The following MPPED1 variants were observed in gnomAD, a reference collection of about 807,000 sequenced individuals.
The protein encoded by MPPED1 is metallophosphoesterase domain containing 1.
MPPED1 carries 16 observed loss-of-function variants against 36.2 expected under a neutral mutation model. The observed-to-expected ratio is 0.44, with a 90% CI of 0.30 to 0.67. The LOEUF is 0.67. Ranked by LOEUF, MPPED1 falls within the 30% of genes least tolerant of loss-of-function variation. The pLI, the probability that MPPED1 is intolerant of heterozygous loss-of-function variation, is 0.10. For synonymous variants in MPPED1, 199 were observed against 191.3 expected, an observed-to-expected ratio of 1.04 and a Z score of -0.33; for missense variants, 307 against 453.4, an observed-to-expected ratio of 0.68 and a Z score of 2.93.
rs78039458 is a variant in MPPED1, at chr22:43,485,163, A to G, written c.632+10202A>G. 6.2e-3 allele frequency among the ~76,000 whole-genome samples: 942 copies of G among 152,196 alleles called. 14 individuals carry two copies. The highest frequency in any genetic ancestry group is 0.022 in the African/African-American group (895 of 41,528). On this transcript the variant is annotated intron_variant, in intron 4 of 6. Transcript: ENST00000443721. ...AGAAACATTCACATATGACATTCAC[A>G]TATACACACATAATTCACACGCACA...
At chr22:43,465,205 C>T (rs944538991) in intron 3 of MPPED1, among the ~76,000 whole-genome samples, 5 of 152,248 alleles carry the variant, frequency 3.3e-5, no homozygotes, top group Non-Finnish European at 7.3e-5. Context: ...CTCCCACAGC[C>T]TCGTGGGGCA....
At chr22:43,416,514 G>GT (rs1443333152) in intron 1 of MPPED1, 15 of 152,188 alleles carry the variant, frequency 9.9e-5, no homozygotes, top group African/African-American at 3.6e-4. Context: ...CCCTAGCCAT[G>GT]TATGTGCTAA....
intron 3 of MPPED1, among the ~76,000 whole-genome samples, chr22:43,461,159 T>TGAGATGGGAGGATCAC (rs1177495212): frequency 4.6e-5 from 7 of 151,576 alleles, no homozygotes; most frequent in Non-Finnish European, 8.8e-5. Context: ...AGGCCAGGAG[T>TGAGATGGGAGGATCAC]TTGAGACCAG....
At chr22:43,482,218 A>T (rs1428306224) in intron 4 of MPPED1, among the ~76,000 whole-genome samples, 1 of 152,242 alleles carries the variant, frequency 6.6e-6, no homozygotes, top group African/African-American at 2.4e-5. Context: ...TTGATTTAAA[A>T]AAAAGAGTGA....
chr22:43,412,045 C>T lies in MPPED1; in HGVS notation c.-192C>T, dbSNP rs1398573888. The T allele has an allele frequency of 2.0e-6, 2 of 979,016 alleles. No homozygotes were observed. The highest frequency in any genetic ancestry group is 2.4e-6 in the Non-Finnish European group (2 of 827,458). 60.6% of individuals were successfully genotyped at this position (979,016 alleles called of 1,614,324 possible). ...AGCCTCGGACGCGCGGCGAGGCGGCCGCCGCCGGAGGAGCCCCCGCCCCTG... is the reference window on the plus strand; with the variant it reads ...AGCCTCGGACGCGCGGCGAGGCGGCTGCCGCCGGAGGAGCCCCCGCCCCTG... On this transcript the variant is annotated 5_prime_UTR_variant, in exon 1 of 7. Transcript: ENST00000443721.
At chr22:43,493,779 A>G (rs958810796) in intron 4 of MPPED1, among the ~76,000 whole-genome samples, 1 of 152,122 alleles carries the variant, frequency 6.6e-6, no homozygotes, top group Non-Finnish European at 1.5e-5. Flanking sequence ...TCATCTACAA[A>G]CCATGTAGAA....
intron 4 of MPPED1, among the ~76,000 whole-genome samples, chr22:43,492,239 T>G (rs1039228407): frequency 2.0e-4 from 31 of 152,204 alleles, no homozygotes; most frequent in South Asian, 4.1e-4. Context: ...GCATAGAAGT[T>G]AAGTTCTTTG....
intron 3 of MPPED1, among the ~76,000 whole-genome samples, chr22:43,463,825 TTCTTTCTTTCTTTC>T (rs1931051119): frequency 7.9e-6 from 1 of 126,426 alleles, no homozygotes; most frequent in Non-Finnish European, 1.7e-5. Flanking sequence ...CTTTCTTTCT[TTCTTTCTTTCTTTC>T]TTTCTTTCTT....
At chr22:43,497,931 A>ATGTATGTATG (rs1555904564) in intron 4 of MPPED1, among the ~76,000 whole-genome samples, 1 of 130,180 alleles carries the variant, frequency 7.7e-6, no homozygotes, top group African/African-American at 3.4e-5. Flanking sequence ...ATATATATGT[A>ATGTATGTATG]TATGTATATA....
At chr22:43,412,365 G>T (rs1488221829) in intron 1 of MPPED1, among the ~76,000 whole-genome samples, 1 of 151,990 alleles carries the variant, frequency 6.6e-6, no homozygotes, top group African/African-American at 2.4e-5. Flanking sequence ...GCGGGAGGGG[G>T]CTCCGCCAGG....
chr22:43,479,687 T>A (rs1228744618), intron 4 of MPPED1, among the ~76,000 whole-genome samples: 1 of 152,192 alleles, frequency 6.6e-6, no homozygotes, highest in East Asian at 1.9e-4. Context: ...AGCAGAGGGA[T>A]GCATGGACCC....
At chr22:43,467,295 T>G (rs1193249085) in intron 3 of MPPED1, among the ~76,000 whole-genome samples, 1 of 152,228 alleles carries the variant, frequency 6.6e-6, no homozygotes, top group Non-Finnish European at 1.5e-5. Context: ...CTGGTCGCAG[T>G]GCCTGGACAG....
At chr22:43,427,155 G>A (rs1332184771) in intron 2 of MPPED1, among the ~76,000 whole-genome samples, 2 of 152,210 alleles carry the variant, frequency 1.3e-5, no homozygotes, top group African/African-American at 2.4e-5. Context: ...CATACAGTGG[G>A]ACCATGGACA....
intron 4 of MPPED1, among the ~76,000 whole-genome samples, chr22:43,484,148 CA>C (rs1931837388): frequency 1.3e-5 from 2 of 152,248 alleles, no homozygotes; most frequent in South Asian, 4.1e-4. Flanking sequence ...GATTCCAGCA[CA>C]AGGCTGGCCT....
chr22:43,480,653 T>C (rs1211884881), intron 4 of MPPED1, among the ~76,000 whole-genome samples: 1 of 152,182 alleles, frequency 6.6e-6, no homozygotes, highest in Non-Finnish European at 1.5e-5. Context: ...TTTCCCCCTC[T>C]GTGACCTCTC....
At chr22:43,436,313 C>G (rs891607937) in intron 3 of MPPED1, among the ~76,000 whole-genome samples, 2 of 152,208 alleles carry the variant, frequency 1.3e-5, no homozygotes, top group African/African-American at 4.8e-5. Context: ...CCCCACGTGG[C>G]TGCCAGACGG....
intron 3 of MPPED1, among the ~76,000 whole-genome samples, chr22:43,438,745 G>T (rs73887307): frequency 4.5e-4 from 69 of 152,190 alleles, no homozygotes; most frequent in African/African-American, 1.6e-3. Flanking sequence ...AACGCTCCTG[G>T]GTGTCTGGTG....
At chr22:43,471,311 G>A (rs1375174946) in intron 3 of MPPED1, among the ~76,000 whole-genome samples, 7 of 152,208 alleles carry the variant, frequency 4.6e-5, no homozygotes, top group African/African-American at 7.2e-5. Flanking sequence ...GGCAGCGATG[G>A]TGGCCACCCC....
In MPPED1 at chr22:43,451,110, G is replaced by A. The variant is rs1450127920; in HGVS notation, c.406+15895G>A. ...CAACCTCAGCCTCCCAGGTTCAAGC[G>A]ATCCTCCTGCGTCAGCCTCCTGAGT... is the stretch of plus-strand genomic sequence containing the variant. On this transcript the variant is annotated intron_variant, in intron 3 of 6. Transcript: ENST00000443721. 3.3e-5 allele frequency among the ~76,000 whole-genome samples: 5 copies of A among 151,158 alleles called. No individual in the cohort carries two copies. The East Asian group carries it at 5.8e-4, about 18-fold the overall frequency.
Sources: gnomAD v4.1 joint callset for allele counts (sites outside exome capture counted in the v4.1 genomes callset) on GRCh38, gnomAD v4.1.1 for gene constraint, MANE v1.5 for transcripts, NCBI Gene and HGNC (gene_info 2026-07-23, HGNC 2026-07-21) for gene names.